Variants in ANKLE2 observed in about 807,000 individuals in gnomAD.
ANKLE2 encodes ankyrin repeat and LEM domain containing 2, also known as ankyrin repeat and LEM domain-containing protein 2.
In ANKLE2, 55 loss-of-function variants were observed where a neutral mutation model predicts 84.2. That is an observed-to-expected ratio of 0.65 (90% confidence interval 0.53 to 0.82). The LOEUF is 0.82. ANKLE2 is among the 40% of genes least tolerant of loss of function. The pLI, the probability that ANKLE2 is intolerant of heterozygous loss-of-function variation, is 0.00. For missense variants in ANKLE2, 1,238 were observed against 1,201.9 expected (o/e 1.03, Z -0.44); for synonymous variants, 551 against 486.1 (o/e 1.13, Z -1.76).
At chr12:132,734,875 C>T (rs1446611135) in intron 9 of ANKLE2, 1 of 386,890 alleles carries the variant, frequency 2.6e-6, no homozygotes, top group Admixed American at 4.5e-5. Flanking sequence ...AGTTCAACTC[C>T]CACAGACGGA....
At chr12:132,738,294 T>C (rs2044053428) in intron 7 of ANKLE2, 2 of 152,348 alleles carry the variant, frequency 1.3e-5, no homozygotes, top group South Asian at 4.1e-4. Context: ...GATGTGAGTA[T>C]GGAAAAAGCA....
At chr12:132,731,048 A>G (rs948479871) in intron 10 of ANKLE2, 1 of 152,234 alleles carries the variant, frequency 6.6e-6, no homozygotes, top group African/African-American at 2.4e-5. Context: ...AGGTGTGAAG[A>G]TAACACAGAA....
Position 132,754,968 on chromosome 12 carries a change from C to A in ANKLE2, c.347G>T (p.Arg116Met), listed in dbSNP as rs1453560378. 18 of 1,614,226 alleles carry A rather than the reference C, an allele frequency of 1.1e-5. No individual in the cohort carries two copies. Among genetic ancestry groups the A allele is most frequent in the Non-Finnish European group, 1.4e-5 (17 of 1,180,046 alleles). ...CTCATGGTGGTAGAAAGAAGACAGC[C>A]TTCCTCCTTGCTCCAGTAAAGCCTG... ...LAQALLEQGGRLSSFYHHEAG... is the reference protein window; with the variant it reads ...LAQALLEQGGMLSSFYHHEAG... Residue 116 changes from arginine (R) to methionine (M), a missense_variant, in exon 2 of 13, where the codon AGG becomes ATG. Physicochemically the swap from Arg to Met is moderately conservative, Grantham distance 91. Coordinates refer to ENST00000357997, the MANE Select transcript of ANKLE2 (RefSeq NM_015114.3).
chr12:132,747,737 T>TA, intron 5 of ANKLE2, 95 bp downstream of exon 5: 1 of 1,461,654 alleles, frequency 6.8e-7, no homozygotes. Flanking sequence ...CCAAAGTTAT[T>TA]ATACTAATGA....
chr12:132,739,717 G>A (rs1487172820), intron 7 of ANKLE2, among the ~76,000 whole-genome samples: 1 of 152,204 alleles, frequency 6.6e-6, no homozygotes, highest in East Asian at 1.9e-4. Flanking sequence ...GTCTCTCTCT[G>A]AGTGACGGGA....
rs2043719141 is a variant in ANKLE2 at position 132,727,340 on chromosome 12, G to A, written c.2719C>T (p.Pro907Ser). 1 of 1,562,298 alleles carries A rather than the reference G, an allele frequency of 6.4e-7. No individual in the cohort carries two copies. The change falls in exon 13 of 13, where the codon CCC becomes TCC. Residue 907 changes from proline (P) to serine (S), a missense_variant. Around this residue, in one of 3 missense-constraint regions of ANKLE2, gnomAD observed 802 missense variants for 774.5 expected, o/e 1.04. Transcript: ENST00000357997. The part of the protein sequence containing the change: ...PGRNSVAGSN[P>S]AKPGLGSPGR... ...GGACTGCCCAGGCCTGGCTTTGCGG[G>A]GTTGCTTCCAGCCACGCTGTTTCTC...
intron 9 of ANKLE2, 75 bp downstream of exon 9, chr12:132,735,331 G>T: frequency 1.5e-6 from 2 of 1,338,218 alleles, no homozygotes; most frequent in South Asian, 1.2e-5. Flanking sequence ...TTGAAGCTGT[G>T]ATTTGACCTT....
intron 11 of ANKLE2, 143 bp from the exon 12 acceptor site, chr12:132,728,306 C>A: frequency 4.3e-6 from 4 of 924,248 alleles, no homozygotes; most frequent in Non-Finnish European, 6.3e-6. Flanking sequence ...CTCGGCTCAT[C>A]GCAAGCTCCG....
chr12:132,740,891 C>T (rs940028521), intron 7 of ANKLE2, among the ~76,000 whole-genome samples: 8 of 89,304 alleles, frequency 9.0e-5, no homozygotes, highest in African/African-American at 2.3e-4. Context: ...GGAGCCAAGA[C>T]AGGAGCCTGG....
intron 10 of ANKLE2, among the ~76,000 whole-genome samples, chr12:132,732,984 C>T (rs567339838): frequency 6.3e-5 from 9 of 142,044 alleles, no homozygotes; most frequent in African/African-American, 1.4e-4. Context: ...CTGTGTGAAG[C>T]GCTCTGCGTC....
Position 132,729,990 on chromosome 12 carries a change from G to A in ANKLE2, c.2172C>T (p.Ala724=). The change falls in exon 11 of 13, where the codon GCC becomes GCT. Residue 724 remains alanine, a synonymous_variant. Coordinates refer to ENST00000357997, the MANE Select transcript of ANKLE2 (RefSeq NM_015114.3). ...TCAAATCCGAGACAGGTGGCAGATGGGCTTCCTCCCCACGGGGGGCCTTTG... is the reference window on the plus strand; with the variant it reads ...TCAAATCCGAGACAGGTGGCAGATGAGCTTCCTCCCCACGGGGGGCCTTTG... ...KRPKAPRGEE[A]HLPPVSDLTV... The A allele has an allele frequency of 6.2e-7, 1 of 1,613,324 alleles. No individual in the cohort carries two copies. The highest frequency in any genetic ancestry group is 8.5e-7 in the Non-Finnish European group (1 of 1,179,904).
intron 7 of ANKLE2, among the ~76,000 whole-genome samples, chr12:132,739,805 CG>C (rs1265643397): frequency 6.6e-6 from 1 of 152,218 alleles, no homozygotes; most frequent in Non-Finnish European, 1.5e-5. Flanking sequence ...GAGGCCCCAG[CG>C]TGACCACAGA....
intron 7 of ANKLE2, chr12:132,737,376 A>G (rs1311600004): frequency 2.1e-5 from 6 of 286,950 alleles, no homozygotes; most frequent in Admixed American, 9.4e-5. Context: ...ACCTGAGTGA[A>G]TAAGAGTAGC....
In ANKLE2 at chr12:132,734,424, C is replaced by A; in HGVS notation, c.1852G>T (p.Glu618Ter). ...TTATCTCGGCAGGAGGCTTCCCGTT[C>A]TCCTGTTTCTTGTTGAGCCTTTTTG... ...IGKKAQQETG[E>*]REASCRDKAT... The change falls in exon 10 of 13, where the codon GAA becomes TAA. Residue 618 changes from glutamate (E) to a stop codon, truncating the protein, a stop_gained. Transcript: ENST00000357997. LOFTEE classifies it high-confidence loss of function. The A allele has an allele frequency of 6.2e-7, 1 of 1,614,168 alleles. No homozygotes were observed. The highest frequency in any genetic ancestry group is 1.1e-5 in the South Asian group (1 of 91,082).
rs763068390 is a variant in ANKLE2 at position 132,748,178 on chromosome 12, C to T, written c.1001G>A (p.Arg334Gln). The T allele has an allele frequency of 3.7e-6, 6 of 1,613,752 alleles. No individual in the cohort carries two copies. The highest frequency in any genetic ancestry group is 1.3e-5 in the African/African-American group (1 of 74,852). The part of the protein sequence containing the change: ...TFSDLIWSNP[R>Q]YLIGSGDNPT... ...GTTGTCTCCTGAGCCTATCAGATAC[C>T]GGGGGTTGCTCCAGATAAGGTCAGA... The change falls in exon 4 of 13, where the codon CGG (arginine) becomes CAG (glutamine). Residue 334 changes from arginine to glutamine, a missense_variant. Physicochemically the swap from Arg to Gln is conservative, Grantham distance 43. Around this residue, in one of 3 missense-constraint regions of ANKLE2, gnomAD observed 14 missense variants for 33.0 expected, o/e 0.42. Coordinates refer to ENST00000357997, the MANE Select transcript of ANKLE2 (RefSeq NM_015114.3).
Position 132,727,302 on chromosome 12 carries a change from G to T in ANKLE2, c.2757C>A (p.Ser919Arg). 6.4e-7 allele frequency: 1 copy of T among 1,565,502 alleles called. No individual in the cohort carries two copies. The highest frequency in any genetic ancestry group is 8.7e-7 in the Non-Finnish European group (1 of 1,155,724). The change falls in exon 13 of 13, where the codon AGC becomes AGA. Residue 919 changes from serine to arginine, a missense_variant. By Grantham distance (110) the Ser-to-Arg change is moderately radical. Around this residue, in one of 3 missense-constraint regions of ANKLE2, gnomAD observed 802 missense variants for 774.5 expected, o/e 1.04. Transcript: ENST00000357997. Reference protein sequence around the residue: ...KPGLGSPGRYSPVHGSQLRRM... With the variant: ...KPGLGSPGRYRPVHGSQLRRM... ...TGCGGAGCTGGCTCCCGTGCACGGG[G>T]CTGTAGCGCCCAGGACTGCCCAGGC...
chr12:132,734,091 G>T (rs1477785201), intron 10 of ANKLE2: 5 of 480,958 alleles, frequency 1.0e-5, no homozygotes, highest in Admixed American at 2.4e-5. Context: ...AAAAAAATAC[G>T]AAAATTAGCC....
At chr12:132,740,375 G>A (rs1046531555) in intron 7 of ANKLE2, among the ~76,000 whole-genome samples, 2 of 152,194 alleles carry the variant, frequency 1.3e-5, no homozygotes, top group Admixed American at 1.3e-4. Context: ...ATGTCAGACA[G>A]TAAATAATTA....
At chr12:132,753,048 G>T (rs1290731925) in intron 2 of ANKLE2, among the ~76,000 whole-genome samples, 4 of 151,436 alleles carry the variant, frequency 2.6e-5, no homozygotes, top group East Asian at 1.9e-4. Flanking sequence ...GGTGGCTCAC[G>T]CCTGTAATCC....
Sources: gnomAD v4.1 joint callset for allele counts (sites outside exome capture counted in the v4.1 genomes callset) on GRCh38, gnomAD v4.1.1 for gene constraint, gnomAD v4.1.1 regional missense constraint, MANE v1.5 for transcripts, NCBI Gene and HGNC (gene_info 2026-07-23, HGNC 2026-07-21) for gene names.